RSPO2: variants seen among roughly 807,000 people sequenced by gnomAD.
The protein encoded by RSPO2 is R-spondin-2.
In RSPO2, 14 loss-of-function variants were observed where a neutral mutation model predicts 30.9. The observed-to-expected ratio is 0.45, with a 90% CI of 0.30 to 0.71. RSPO2 has a LOEUF of 0.71. RSPO2 is among the 30% of genes least tolerant of loss of function. The probability of loss-of-function intolerance (pLI) is 0.08; values close to 1 mark genes in which losing one functional copy is unlikely to be tolerated. For synonymous variants in RSPO2, 107 were observed against 96.4 expected, an observed-to-expected ratio of 1.11 and a Z score of -0.64; for missense variants, 264 against 301.9, an observed-to-expected ratio of 0.87 and a Z score of 0.93.
In RSPO2 at chr8:107,988,426, GT is replaced by G. The variant is rs71562167; in HGVS notation, c.283+629del. On this transcript the variant is annotated intron_variant, in intron 3 of 5. Transcript: ENST00000276659. ...CATAAAGTACTTAAATTCCTTTGTG[GT>G]TTTTTTTTTTTTATAAGCACTGAGT... Among the ~76,000 whole-genome samples, 633 of 143,386 alleles carry G rather than the reference GT, an allele frequency of 4.4e-3. 4 individuals are homozygous for G. Among genetic ancestry groups the G allele is most frequent in the African/African-American group, 0.01 (396 of 39,358 alleles). 94.1% of individuals were successfully genotyped at this position (143,386 alleles called of 152,430 possible). A position where few individuals can be genotyped will look rare whatever the true frequency, so the allele number is the denominator to read the frequency against.
intron 2 of RSPO2, among the ~76,000 whole-genome samples, chr8:107,996,373 G>T: frequency 6.6e-6 from 1 of 152,112 alleles, no homozygotes; most frequent in East Asian, 1.9e-4. Context: ...CAAGGGCAAG[G>T]GTTGCTGGCT....
intron 2 of RSPO2, among the ~76,000 whole-genome samples, chr8:107,992,784 A>G (rs551979379): frequency 7.2e-5 from 11 of 152,324 alleles, no homozygotes; most frequent in African/African-American, 2.6e-4. Flanking sequence ...AAAAATAAAG[A>G]TTAGATAGCC....
intron 2 of RSPO2, among the ~76,000 whole-genome samples, chr8:107,995,705 T>G (rs1028390413): frequency 6.6e-6 from 1 of 152,152 alleles, no homozygotes; most frequent in Non-Finnish European, 1.5e-5. Context: ...CTCCTCTAGC[T>G]TCTATGATAA....
At chr8:107,946,693 G>T (rs1485386975) in intron 5 of RSPO2, among the ~76,000 whole-genome samples, 1 of 152,158 alleles carries the variant, frequency 6.6e-6, no homozygotes, top group Admixed American at 6.5e-5. Context: ...CAACTCACCT[G>T]TTTGTATGCA....
chr8:108,046,094 A>G lies in RSPO2; in HGVS notation c.94+36451T>C, dbSNP rs1811901217. ...GACCCAGTACTACTCCAGACAATGCAAATGATAGCTGCTGCTGCTTGAATA... is the reference window on the plus strand; with the variant it reads ...GACCCAGTACTACTCCAGACAATGCGAATGATAGCTGCTGCTGCTTGAATA... On this transcript the variant is annotated intron_variant, in intron 2 of 5. Transcript: ENST00000276659. 2.0e-5 allele frequency among the ~76,000 whole-genome samples: 3 copies of G among 152,188 alleles called. No individual in the cohort carries two copies. The South Asian group carries it at 6.2e-4, about 31-fold the overall frequency.
chr8:108,007,541 G>A (rs77812195), intron 2 of RSPO2, among the ~76,000 whole-genome samples: 4,226 of 152,136 alleles, frequency 0.028, 93 homozygotes, highest in Non-Finnish European at 0.044. Flanking sequence ...GCAACAGAGA[G>A]TACACGTCTG....
Position 107,992,472 on chromosome 8 carries a change from G to A in RSPO2, c.95-3228C>T, listed in dbSNP as rs533306870. Among the ~76,000 whole-genome samples the A allele has an allele frequency of 1.7e-4, 26 of 152,120 alleles. No individual in the cohort carries two copies. The South Asian group carries it at 5.2e-3, about 30-fold the overall frequency. On this transcript the variant is annotated intron_variant, in intron 2 of 5. Transcript: ENST00000276659. Reference sequence around the variant, plus strand: ...TAATGGGTACTAGCCTTAATACCTGGGTGATGAAATTATCTGTACAGAAAA... The same window carrying A: ...TAATGGGTACTAGCCTTAATACCTGAGTGATGAAATTATCTGTACAGAAAA...
intron 2 of RSPO2, among the ~76,000 whole-genome samples, chr8:108,003,309 ATATTTTTTTTTTTT>A (rs1453608670): frequency 3.2e-3 from 54 of 16,894 alleles, no homozygotes; most frequent in South Asian, 0.012. Flanking sequence ...ATATATATAT[ATATTTTTTTTTTTT>A]TTTTTTTTTT....
intron 2 of RSPO2, among the ~76,000 whole-genome samples, chr8:108,053,615 TAGTA>T (rs1400285152): frequency 3.0e-4 from 45 of 152,254 alleles, no homozygotes; most frequent in African/African-American, 1.1e-3. Context: ...ATACTGGACA[TAGTA>T]AGAAATAAAG....
intron 5 of RSPO2, among the ~76,000 whole-genome samples, chr8:107,945,647 G>T (rs890006559): frequency 6.6e-6 from 1 of 152,102 alleles, no homozygotes; most frequent in South Asian, 2.1e-4. Context: ...TAAATGTTAG[G>T]CTGTATACAT....
intron 2 of RSPO2, among the ~76,000 whole-genome samples, chr8:108,038,405 A>G (rs1258717160): frequency 6.6e-6 from 1 of 152,224 alleles, no homozygotes; most frequent in Non-Finnish European, 1.5e-5. Context: ...TCCTGGTGAG[A>G]ATGCTATAAA....
chr8:107,971,542 T>C (rs974955323), intron 3 of RSPO2, among the ~76,000 whole-genome samples: 3 of 152,176 alleles, frequency 2.0e-5, no homozygotes, highest in African/African-American at 7.2e-5. Context: ...ATTGCAACTG[T>C]GGACCAGTAC....
At chr8:108,050,089 G>C (rs1037515464) in intron 2 of RSPO2, among the ~76,000 whole-genome samples, 18 of 152,116 alleles carry the variant, frequency 1.2e-4, no homozygotes, top group Non-Finnish European at 2.6e-4. Context: ...TGCAGGAGGG[G>C]TTGGGGGGAA....
At chr8:107,976,320 T>C (rs926442467) in intron 3 of RSPO2, among the ~76,000 whole-genome samples, 3 of 152,220 alleles carry the variant, frequency 2.0e-5, no homozygotes, top group Admixed American at 6.5e-5. Flanking sequence ...ACATGGGCAT[T>C]AGAGTTAGAG....
chr8:107,902,538 C>T (rs148878139), intron 5 of RSPO2, among the ~76,000 whole-genome samples: 53 of 152,056 alleles, frequency 3.5e-4, no homozygotes, highest in African/African-American at 1.3e-3. Flanking sequence ...AGGAAACAGA[C>T]CAGAGTCTAG....
At chr8:107,996,786 C>A in intron 2 of RSPO2, 1 of 305,366 alleles carries the variant, frequency 3.3e-6, no homozygotes, top group South Asian at 2.7e-5. Context: ...TCATCTTGAC[C>A]ACAAAGATCT....
intron 3 of RSPO2, among the ~76,000 whole-genome samples, chr8:107,987,856 G>T (rs1273484183): frequency 1.3e-5 from 2 of 152,068 alleles, no homozygotes; most frequent in African/African-American, 4.8e-5. Flanking sequence ...CACATACACA[G>T]TGTGTTAATG....
At chr8:107,963,863 T>C (rs1335314692) in intron 3 of RSPO2, among the ~76,000 whole-genome samples, 1 of 152,182 alleles carries the variant, frequency 6.6e-6, no homozygotes, top group African/African-American at 2.4e-5. Context: ...CTAAAACTTT[T>C]TCATATTTGA....
At chr8:107,989,895 C>T (rs775639354) in intron 2 of RSPO2, among the ~76,000 whole-genome samples, 1 of 152,144 alleles carries the variant, frequency 6.6e-6, no homozygotes, top group Non-Finnish European at 1.5e-5. Context: ...GAGACCTAGA[C>T]TTTCATGAAA....
Sources: gnomAD v4.1 joint callset for allele counts (sites outside exome capture counted in the v4.1 genomes callset) on GRCh38, gnomAD v4.1.1 for gene constraint, MANE v1.5 for transcripts, NCBI Gene and HGNC (gene_info 2026-07-23, HGNC 2026-07-21) for gene names.